NFIC: variants seen among roughly 807,000 people sequenced by gnomAD.
The protein encoded by NFIC is nuclear factor I C.
A neutral mutation model predicts 54.4 loss-of-function variants in NFIC; 12 were observed. That is an observed-to-expected ratio of 0.22 (90% CI 0.14 to 0.36). The LOEUF (loss-of-function observed/expected upper bound fraction) is 0.36. Among genes scored for constraint, NFIC ranks in the 10% least tolerant of loss-of-function variants. The pLI, the probability that NFIC is intolerant of heterozygous loss-of-function variation, is 1.00. For missense variants in NFIC, 575 were observed against 718.2 expected (o/e 0.80, Z 2.28); for synonymous variants, 322 against 319.2 (o/e 1.01, Z -0.09).
At chr19:3,389,600 C>T (rs1041116330) in intron 2 of NFIC, among the ~76,000 whole-genome samples, 12 of 152,230 alleles carry the variant, frequency 7.9e-5, no homozygotes, top group Admixed American at 2.0e-4. Flanking sequence ...GTTTTTGCCT[C>T]TGTAGAATGG....
At position 3,366,613 on chromosome 19, in the gene NFIC, C is replaced by G; in HGVS notation, c.-24C>G. The G allele has an allele frequency of 2.7e-6, 4 of 1,492,644 alleles. No homozygotes were observed. Among genetic ancestry groups the G allele is most frequent in the Non-Finnish European group, 3.6e-6 (4 of 1,122,914 alleles). The allele number at this position is 1,492,644 out of a possible 1,614,324, so 92.5% of individuals were successfully genotyped here. On this transcript the variant is annotated 5_prime_UTR_variant, in exon 1 of 11. Transcript: ENST00000443272. ...GTTCAGCGCGCCCGCTCCGGCCGGC[C>G]CTGCGCCTCCCGCCGCGCCCGGGAT... is the stretch of plus-strand genomic sequence containing the variant.
At position 3,384,911 on chromosome 19, in the gene NFIC, A is replaced by G. The variant is rs573042341; in HGVS notation, c.562+2668A>G. Among the ~76,000 whole-genome samples, 319 of 152,212 alleles carry G rather than the reference A, an allele frequency of 2.1e-3. 2 individuals are homozygous for G. The highest frequency in any genetic ancestry group is 0.017 in the South Asian group (81 of 4,830). On this transcript the variant is annotated intron_variant, in intron 2 of 10. Coordinates refer to ENST00000443272, the MANE Select transcript of NFIC (RefSeq NM_001245002.2). ...GGGCCAGACCTCTCTGCCACCACAC[A>G]TCTTCCTCGCCCGGGGCCCCGCCCC...
In NFIC at chr19:3,453,055, C is replaced by T. The variant is rs759953430; in HGVS notation, c.1269+389C>T. 3.9e-5 allele frequency among the ~76,000 whole-genome samples: 6 copies of T among 152,112 alleles called. No homozygotes were observed. Among genetic ancestry groups the T allele is most frequent in the Non-Finnish European group, 5.9e-5 (4 of 68,018 alleles). On this transcript the variant is annotated intron_variant, in intron 8 of 10. Transcript: ENST00000443272. This position sits in a 1 kb window ranked among gnomAD's most constrained non-coding sequence, Gnocchi z 6.7. ...TTCAAGACCAACCTGGGCAGCATAG[C>T]GTGACCCAGTTTCTACAAAAAAAAT...
chr19:3,405,694 A>G (rs7254731), intron 2 of NFIC, among the ~76,000 whole-genome samples: 17,592 of 149,938 alleles, frequency 0.12, 1,239 homozygotes, highest in African/African-American at 0.19. Flanking sequence ...CCACCTCCTG[A>G]GTTCAAGCGA....
chr19:3,433,522 G>A lies in NFIC; in HGVS notation c.639G>A (p.Thr213=), dbSNP rs377664780. 13 of 1,613,658 alleles carry A rather than the reference G, an allele frequency of 8.1e-6. No homozygotes were observed. The highest frequency in any genetic ancestry group is 2.2e-5 in the East Asian group (1 of 44,894). The change falls in exon 4 of 11, where the codon ACG becomes ACA. Residue 213 remains threonine, a synonymous_variant. Coordinates refer to ENST00000443272, the MANE Select transcript of NFIC (RefSeq NM_001245002.2). ...QEDSKPITLD[T]TDFQESFVTS... ...CCCGCTGTCTTCCTGTTCCAGACAC[G>A]ACCGACTTCCAGGAGAGCTTTGTCA...
chr19:3,461,196 A>T (rs1177051366), intron 10 of NFIC, among the ~76,000 whole-genome samples: 1 of 151,436 alleles, frequency 6.6e-6, no homozygotes, highest in Admixed American at 6.6e-5. Context: ...CTGTAATCCT[A>T]GCACTTTGGG....
At position 3,463,567 on chromosome 19, in the gene NFIC, C is replaced by A; in HGVS notation, c.*798C>A. On this transcript the variant is annotated 3_prime_UTR_variant, in exon 11 of 11. Coordinates refer to ENST00000443272, the MANE Select transcript of NFIC (RefSeq NM_001245002.2). ...CTCGCTGTCTCGCTGGGGACTCTTT[C>A]AGCCCTCGCGCCCGCCCGTTTGGGA... The A allele has an allele frequency of 1.0e-6, 1 of 984,806 alleles. No individual in the cohort carries two copies. Among genetic ancestry groups the A allele is most frequent in the African/African-American group, 1.7e-5 (1 of 57,162 alleles). 61.0% of individuals were successfully genotyped at this position (984,806 alleles called of 1,614,324 possible).
intron 2 of NFIC, among the ~76,000 whole-genome samples, chr19:3,389,896 A>G (rs2081352464): frequency 6.6e-6 from 1 of 152,230 alleles, no homozygotes; most frequent in African/African-American, 2.4e-5. Flanking sequence ...AGGCAGGAGA[A>G]TTGCTTGAGC....
chr19:3,375,263 G>A lies in NFIC; in HGVS notation c.31-6449G>A, dbSNP rs192575514. Among the ~76,000 whole-genome samples, 101 of 152,162 alleles carry A rather than the reference G, an allele frequency of 6.6e-4. No homozygotes were observed. The highest frequency in any genetic ancestry group is 2.4e-3 in the African/African-American group (98 of 41,510). On this transcript the variant is annotated intron_variant, in intron 1 of 10. Transcript: ENST00000443272. The surrounding 1 kb of genome is among the most constrained non-coding windows in gnomAD (Gnocchi z 4.6). ...GCGCCAGAGCTTGGGTGGCAGCCAC[G>A]GCCCCAGCTGGACAACATTGTCCGG... is the stretch of plus-strand genomic sequence containing the variant.
intron 2 of NFIC, among the ~76,000 whole-genome samples, chr19:3,388,358 T>C (rs897319370): frequency 6.6e-6 from 1 of 152,082 alleles, no homozygotes; most frequent in Non-Finnish European, 1.5e-5. Flanking sequence ...AGGCCACCGC[T>C]CACCCTAACT....
At chr19:3,420,472 G>A (rs1359781847) in intron 2 of NFIC, among the ~76,000 whole-genome samples, 1 of 151,966 alleles carries the variant, frequency 6.6e-6, no homozygotes, top group East Asian at 1.9e-4. Context: ...TTGAGCCCGG[G>A]AGGCGGAGAT....
chr19:3,380,247 G>T (rs945886399), intron 1 of NFIC, among the ~76,000 whole-genome samples: 2 of 141,534 alleles, frequency 1.4e-5, no homozygotes, highest in African/African-American at 5.3e-5. Context: ...CTCGTGATCT[G>T]CCCGCCTTGG....
At chr19:3,442,760 A>G (rs2082313368) in intron 6 of NFIC, among the ~76,000 whole-genome samples, 1 of 151,338 alleles carries the variant, frequency 6.6e-6, no homozygotes, top group Admixed American at 6.6e-5. Flanking sequence ...GTTGGGTTCC[A>G]ACTCCACCTC....
Position 3,366,613 on chromosome 19 carries a change from C to T in NFIC, c.-24C>T, listed in dbSNP as rs2080890280. On this transcript the variant is annotated 5_prime_UTR_variant, in exon 1 of 11. Transcript: ENST00000443272. The stretch of plus-strand genomic sequence containing the variant: ...GTTCAGCGCGCCCGCTCCGGCCGGC[C>T]CTGCGCCTCCCGCCGCGCCCGGGAT... The T allele has an allele frequency of 2.0e-6, 3 of 1,492,542 alleles. No homozygotes were observed. Among genetic ancestry groups the T allele is most frequent in the Admixed American group, 5.2e-5 (2 of 38,822 alleles). 92.5% of individuals were successfully genotyped at this position (1,492,542 alleles called of 1,614,324 possible).
Position 3,370,362 on chromosome 19 carries a change from T to C in NFIC, c.30+3696T>C, listed in dbSNP as rs1169084107. Among the ~76,000 whole-genome samples, 2 of 152,018 alleles carry C rather than the reference T, an allele frequency of 1.3e-5. No individual in the cohort carries two copies. Among genetic ancestry groups the C allele is most frequent in the Non-Finnish European group, 2.9e-5 (2 of 67,966 alleles). On this transcript the variant is annotated intron_variant, in intron 1 of 10. Transcript: ENST00000443272. This position sits in a 1 kb window ranked among gnomAD's most constrained non-coding sequence, Gnocchi z 5.2. ...CCCGCTGTATCTCCCTCTGGGTCTC[T>C]CTGTGCATCTCTCTCTGTTTCTCCC...
chr19:3,407,830 G>C (rs1487732562), intron 2 of NFIC, among the ~76,000 whole-genome samples: 2 of 152,142 alleles, frequency 1.3e-5, no homozygotes. Flanking sequence ...TCCAGAGAAG[G>C]AGATGTCAGA....
rs184670807 is a variant in NFIC, at chr19:3,445,482, C to A, written c.959-3532C>A. On this transcript the variant is annotated intron_variant, in intron 6 of 10. Transcript: ENST00000443272. ...TGAGTGGAGGTGTCATCCTTCCTGC[C>A]CCCCATGTGGGTGTCCTGGGTGCCC... 2.2e-3 allele frequency among the ~76,000 whole-genome samples: 332 copies of A among 152,300 alleles called. 1 individual carries two copies. The highest frequency in any genetic ancestry group is 7.8e-3 in the African/African-American group (325 of 41,556).
rs748947687 is a variant in NFIC at position 3,452,584 on chromosome 19, A to G, written c.1187A>G (p.Tyr396Cys). Residue 396 changes from tyrosine (Y) to cysteine (C), a missense_variant, in exon 8 of 11, where the codon TAC becomes TGC. Tyr to Cys is a radical substitution (Grantham distance 194). This residue lies in a region of NFIC where 447 missense variants were observed against 526.9 expected (regional missense o/e 0.85). Coordinates refer to ENST00000443272, the MANE Select transcript of NFIC (RefSeq NM_001245002.2). This position sits in a 1 kb window ranked among gnomAD's most constrained non-coding sequence, Gnocchi z 5.3. ...STYFPHTAIRYPPHLNPQDPL... is the reference protein window; with the variant it reads ...STYFPHTAIRCPPHLNPQDPL... ...TACTTCCCCCACACGGCCATCCGCT[A>G]CCCACCTCATCTCAACCCCCAGGAC... The G allele has an allele frequency of 4.3e-6, 7 of 1,613,584 alleles. No homozygotes were observed. The highest frequency in any genetic ancestry group is 1.7e-6 in the Non-Finnish European group (2 of 1,179,928).
At chr19:3,410,353 G>A (rs1182930318) in intron 2 of NFIC, among the ~76,000 whole-genome samples, 1 of 152,230 alleles carries the variant, frequency 6.6e-6, no homozygotes, top group Non-Finnish European at 1.5e-5. Context: ...GTGTCTCTCT[G>A]AGAAGGAGCT....
Sources: gnomAD v4.1 joint callset for allele counts (sites outside exome capture counted in the v4.1 genomes callset) on GRCh38, gnomAD v4.1.1 for gene constraint, gnomAD v4.1.1 regional missense constraint, Gnocchi (gnomAD v3.1) non-coding constraint, MANE v1.5 for transcripts, NCBI Gene and HGNC (gene_info 2026-07-23, HGNC 2026-07-21) for gene names.